Variants in MROH2B observed in about 807,000 individuals in gnomAD.
MROH2B encodes maestro heat like repeat family member 2B, also known as maestro heat-like repeat-containing protein family member 2B.
In MROH2B, 177 loss-of-function variants were observed where a neutral mutation model predicts 208.6. That is an observed-to-expected ratio of 0.85 (90% CI 0.75 to 0.96). The LOEUF is 0.96. Ranked by LOEUF, MROH2B falls within the 40% of genes least tolerant of loss-of-function variation. The pLI is 0.00. For missense variants in MROH2B, 2,002 were observed against 1,878.7 expected (o/e 1.07, Z -1.21); for synonymous variants, 728 against 659.0 (o/e 1.10, Z -1.60).
At chr5:41,062,088 A>G (rs1035553134) in intron 5 of MROH2B, among the ~76,000 whole-genome samples, 15 of 152,172 alleles carry the variant, frequency 9.9e-5, no homozygotes, top group African/African-American at 3.6e-4. Context: ...TGACCCAACT[A>G]TTCCAATCTT....
chr5:41,007,514 C>T, intron 33 of MROH2B, 60 bp from the exon 34 acceptor site: 3 of 1,359,794 alleles, frequency 2.2e-6, no homozygotes, highest in Non-Finnish European at 2.9e-6. Flanking sequence ...TTGCAAATTC[C>T]CAAGTTTGCC....
Position 41,032,833 on chromosome 5 carries a change from A to G in MROH2B, c.2362-12T>C, listed in dbSNP as rs772372581. The G allele has an allele frequency of 1.6e-5, 25 of 1,608,288 alleles. No individual in the cohort carries two copies. Among genetic ancestry groups the G allele is most frequent in the Admixed American group, 1.2e-4 (7 of 59,258 alleles). On this transcript the variant is annotated splice_polypyrimidine_tract_variant and intron_variant, in intron 23 of 41. Coordinates refer to ENST00000399564, the MANE Select transcript of MROH2B (RefSeq NM_173489.5). ...TCTCTAATGAAGTCCTGAAACATAA[A>G]TAAGGAGATTAAATGTTTCAGAAAG...
rs527434785 is a variant in MROH2B at position 41,033,866 on chromosome 5, T to TAA, written c.2215-4_2215-3dup. On this transcript the variant is annotated splice_polypyrimidine_tract_variant and splice_region_variant and intron_variant, in intron 21 of 41. Coordinates refer to ENST00000399564, the MANE Select transcript of MROH2B (RefSeq NM_173489.5). ...GTTCATCACAGACATGCCCAGAACC[T>TAA]AAAAAAAATCAAAGGCAAAATTAGA... The TAA allele has an allele frequency of 1.3e-6, 2 of 1,547,116 alleles. No homozygotes were observed. Among genetic ancestry groups the TAA allele is most frequent in the African/African-American group, 2.8e-5 (2 of 72,702 alleles).
intron 18 of MROH2B, among the ~76,000 whole-genome samples, chr5:41,044,460 G>A (rs527384201): frequency 4.0e-4 from 61 of 152,178 alleles, no homozygotes; most frequent in African/African-American, 1.3e-3. Context: ...ACTCTTGTTC[G>A]GTGTAAGGCT....
At chr5:41,057,502 C>G in intron 7 of MROH2B, 142 bp from the exon 8 acceptor site, 1 of 612,266 alleles carries the variant, frequency 1.6e-6, no homozygotes, top group Non-Finnish European at 2.8e-6. Flanking sequence ...ATGATTCTGG[C>G]CCCTTCCACC....
At chr5:41,029,538 A>T (rs1430373138) in intron 24 of MROH2B, among the ~76,000 whole-genome samples, 4 of 152,086 alleles carry the variant, frequency 2.6e-5, no homozygotes, top group African/African-American at 9.7e-5. Context: ...GACAACCTTT[A>T]CAAAAAATGT....
rs1017805551 is a variant in MROH2B at position 41,004,320 on chromosome 5, G to A, written c.4194+26C>T. 12 of 1,605,126 alleles carry A rather than the reference G, an allele frequency of 7.5e-6. No individual in the cohort carries two copies. The Admixed American group carries it at 2.1e-4, about 27-fold the overall frequency. ...TTTCTGTTCACTCACTTCTGGGGAG[G>A]GAAGTTCCTAAACAGGCTCACTTAC... On this transcript the variant is annotated intron_variant, in intron 37 of 41. Coordinates refer to ENST00000399564, the MANE Select transcript of MROH2B (RefSeq NM_173489.5).
intron 3 of MROH2B, among the ~76,000 whole-genome samples, chr5:41,065,894 C>T (rs1003911779): frequency 1.3e-5 from 2 of 152,128 alleles, no homozygotes; most frequent in African/African-American, 2.4e-5. Flanking sequence ...GCTCCTCTAG[C>T]GTTGGGACGA....
intron 24 of MROH2B, among the ~76,000 whole-genome samples, chr5:41,019,781 C>G (rs1421029803): frequency 6.6e-6 from 1 of 152,122 alleles, no homozygotes; most frequent in African/African-American, 2.4e-5. Flanking sequence ...TGGGAAAGCT[C>G]TATGTAGTCT....
At chr5:41,004,248 A>G (rs1741493887) in intron 37 of MROH2B, 98 bp downstream of exon 37, 2 of 1,399,734 alleles carry the variant, frequency 1.4e-6, no homozygotes, top group Non-Finnish European at 1.9e-6. Flanking sequence ...GCCAAGGAAT[A>G]TGGGTGGGAC....
rs750377135 is a variant in MROH2B at position 41,004,837 on chromosome 5, G to C, written c.3948C>G (p.Asn1316Lys). ...GGATGGCCATCTGCCTCAGAGTGGCGTTGGAGTCCCAGGCACTTTGATCCA... is the reference window on the plus strand; with the variant it reads ...GGATGGCCATCTGCCTCAGAGTGGCCTTGGAGTCCCAGGCACTTTGATCCA... ...ILMDQSAWDSNATLRQMAIRG... is the reference protein window; with the variant it reads ...ILMDQSAWDSKATLRQMAIRG... Residue 1316 changes from asparagine (N) to lysine (K), a missense_variant, in exon 36 of 42, where the codon AAC becomes AAG. Coordinates refer to ENST00000399564, the MANE Select transcript of MROH2B (RefSeq NM_173489.5). 6.2e-7 allele frequency: 1 copy of C among 1,614,040 alleles called. No individual in the cohort carries two copies. The highest frequency in any genetic ancestry group is 1.1e-5 in the South Asian group (1 of 91,084).
At chr5:41,064,359 T>A in intron 5 of MROH2B, 113 bp downstream of exon 5, 2 of 805,754 alleles carry the variant, frequency 2.5e-6, no homozygotes, top group Non-Finnish European at 4.0e-6. Flanking sequence ...TGGCAGCTAT[T>A]ATTATTCAAA....
At chr5:41,018,822 GGGTGAGAGA>G in intron 25 of MROH2B, 36 bp from the exon 26 acceptor site, 1 of 1,612,602 alleles carries the variant, frequency 6.2e-7, no homozygotes. Context: ...TCTCAGGCTG[GGGTGAGAGA>G]GTAAGGCCCC....
intron 24 of MROH2B, among the ~76,000 whole-genome samples, chr5:41,031,846 C>T (rs555715459): frequency 6.6e-6 from 1 of 152,160 alleles, no homozygotes; most frequent in South Asian, 2.1e-4. Context: ...GGTTTTCCTG[C>T]ATTAATCTGC....
chr5:41,040,233 A>T (rs1337926774), intron 19 of MROH2B, among the ~76,000 whole-genome samples: 1 of 152,260 alleles, frequency 6.6e-6, no homozygotes, highest in East Asian at 1.9e-4. Context: ...AAGAGGTTAA[A>T]TTTCTGAAAG....
rs975876009 is a variant in MROH2B at position 41,018,398 on chromosome 5, C to T, written c.2706G>A (p.Glu902=). Reference sequence around the variant, plus strand: ...TCTGGAAGGCTCTTTCTCTTTCCCACTCTTTTTGTGAAACAAGCCACATTT... The same window carrying T: ...TCTGGAAGGCTCTTTCTCTTTCCCATTCTTTTTGTGAAACAAGCCACATTT... ...LLQMWLVSQK[E]WERERAFQIT... is the part of the protein sequence containing the mutation. The change falls in exon 27 of 42, where the codon GAG becomes GAA. Residue 902 remains glutamate, a synonymous_variant. Coordinates refer to ENST00000399564, the MANE Select transcript of MROH2B (RefSeq NM_173489.5). The T allele has an allele frequency of 1.2e-6, 2 of 1,613,002 alleles. No homozygotes were observed. The highest frequency in any genetic ancestry group is 2.2e-5 in the East Asian group (1 of 44,898).
chr5:41,021,322 C>T (rs13178680), intron 24 of MROH2B, among the ~76,000 whole-genome samples: 32,987 of 151,950 alleles, frequency 0.22, 4,068 homozygotes, highest in South Asian at 0.37. Context: ...CCTTTGTTCA[C>T]GAATTAAACA....
At chr5:41,016,934 A>G (rs570288237) in intron 28 of MROH2B, among the ~76,000 whole-genome samples, 1 of 152,124 alleles carries the variant, frequency 6.6e-6, no homozygotes, top group Non-Finnish European at 1.5e-5. Context: ...TTGACTGATT[A>G]TCTCTTTCCC....
At chr5:41,019,117 C>G (rs1734559877) in intron 24 of MROH2B, 99 bp from the exon 25 acceptor site, 1 of 1,455,308 alleles carries the variant, frequency 6.9e-7, no homozygotes, top group South Asian at 1.3e-5. Flanking sequence ...GACCAGGCAA[C>G]TAACGTGTCA....
Sources: gnomAD v4.1 joint callset for allele counts (sites outside exome capture counted in the v4.1 genomes callset) on GRCh38, gnomAD v4.1.1 for gene constraint, MANE v1.5 for transcripts, NCBI Gene and HGNC (gene_info 2026-07-23, HGNC 2026-07-21) for gene names.